ZBTB7C: variants seen among roughly 807,000 people sequenced by gnomAD.
ZBTB7C encodes zinc finger and BTB domain containing 7C.
Under a neutral mutation model 25.7 loss-of-function variants are expected in ZBTB7C, and 8 were observed. The ratio of observed to expected loss-of-function variants is 0.31; its 90% CI spans 0.18 to 0.56. ZBTB7C has a LOEUF of 0.56. Among genes scored for constraint, ZBTB7C ranks in the 20% least tolerant of loss-of-function variants. The pLI, the probability that ZBTB7C is intolerant of heterozygous loss-of-function variation, is 0.91. For missense variants in ZBTB7C, 824 were observed against 855.2 expected (o/e 0.96, Z 0.46); for synonymous variants, 394 against 369.0 (o/e 1.07, Z -0.78).
At chr18:48,031,766 A>G (rs959707737) in intron 4 of ZBTB7C, among the ~76,000 whole-genome samples, 1 of 152,204 alleles carries the variant, frequency 6.6e-6, no homozygotes, top group Non-Finnish European at 1.5e-5. Context: ...CAAAGCCTCC[A>G]CTATGTAGGT....
At chr18:48,202,316 CG>C (rs1001092183) in intron 2 of ZBTB7C, among the ~76,000 whole-genome samples, 1 of 152,018 alleles carries the variant, frequency 6.6e-6, no homozygotes, top group Non-Finnish European at 1.5e-5. Context: ...TGCAGCACAG[CG>C]GGGGCTGCTG....
chr18:48,358,707 AC>A (rs1464004671), intron 1 of ZBTB7C, among the ~76,000 whole-genome samples: 3 of 152,166 alleles, frequency 2.0e-5, no homozygotes, highest in African/African-American at 7.2e-5. Context: ...AGCTGAGAAC[AC>A]TGAGGGTTTA....
At chr18:48,394,336 G>C (rs1402593168) in intron 1 of ZBTB7C, among the ~76,000 whole-genome samples, 1 of 152,144 alleles carries the variant, frequency 6.6e-6, no homozygotes, top group Non-Finnish European at 1.5e-5. Flanking sequence ...GGGTTTTCTA[G>C]TGATACTAGC....
chr18:48,226,672 C>T (rs985207822), intron 2 of ZBTB7C, among the ~76,000 whole-genome samples: 1 of 152,206 alleles, frequency 6.6e-6, no homozygotes, highest in African/African-American at 2.4e-5. Context: ...TCACTGACAG[C>T]ATGACTCTCT....
intron 3 of ZBTB7C, among the ~76,000 whole-genome samples, chr18:48,156,930 A>G (rs1487378886): frequency 6.6e-6 from 1 of 152,110 alleles, no homozygotes; most frequent in Non-Finnish European, 1.5e-5. Flanking sequence ...GCAGTTTGAA[A>G]GGCAGTGCCC....
At chr18:48,365,860 T>C (rs1251382143) in intron 1 of ZBTB7C, among the ~76,000 whole-genome samples, 1 of 151,578 alleles carries the variant, frequency 6.6e-6, no homozygotes, top group Non-Finnish European at 1.5e-5. Context: ...GGGCAGAAAA[T>C]GGTAACAGGG....
intron 2 of ZBTB7C, among the ~76,000 whole-genome samples, chr18:48,247,624 C>T (rs764777488): frequency 1.3e-5 from 2 of 152,174 alleles, no homozygotes; most frequent in African/African-American, 2.4e-5. Flanking sequence ...CATGGCTTTC[C>T]CTGTTTCTCA....
chr18:48,041,648 G>T, intron 3 of ZBTB7C: 1 of 522,946 alleles, frequency 1.9e-6, no homozygotes, highest in Non-Finnish European at 2.5e-6. Flanking sequence ...CCCATTTTCA[G>T]CAAGTAAATG....
At chr18:48,383,818 T>A (rs922280133) in intron 1 of ZBTB7C, among the ~76,000 whole-genome samples, 5 of 149,432 alleles carry the variant, frequency 3.3e-5, no homozygotes, top group African/African-American at 1.2e-4. Flanking sequence ...TGGAGCCTCA[T>A]GACTTCCCTC....
intron 3 of ZBTB7C, among the ~76,000 whole-genome samples, chr18:48,065,556 G>T (rs920078353): frequency 2.6e-5 from 4 of 152,222 alleles, no homozygotes; most frequent in Admixed American, 6.5e-5. Flanking sequence ...AATTTGCAGA[G>T]AAACACTATT....
intron 3 of ZBTB7C, among the ~76,000 whole-genome samples, chr18:48,097,520 C>T (rs1430949908): frequency 6.6e-6 from 1 of 152,112 alleles, no homozygotes; most frequent in Admixed American, 6.5e-5. Flanking sequence ...CTCCAGCCTC[C>T]TGAGTAGCTG....
chr18:48,388,743 C>G (rs2047809162), intron 1 of ZBTB7C, among the ~76,000 whole-genome samples: 2 of 152,156 alleles, frequency 1.3e-5, no homozygotes, highest in South Asian at 4.2e-4. Flanking sequence ...ACCAATGCCC[C>G]TCTTTAGAAA....
intron 1 of ZBTB7C, among the ~76,000 whole-genome samples, chr18:48,371,188 T>C (rs1343019640): frequency 3.3e-5 from 5 of 152,160 alleles, no homozygotes; most frequent in Non-Finnish European, 5.9e-5. Context: ...ACCTACAGTT[T>C]CTGCAGCCCC....
intron 3 of ZBTB7C, among the ~76,000 whole-genome samples, chr18:48,152,875 G>A (rs533225098): frequency 6.6e-6 from 1 of 152,340 alleles, no homozygotes; most frequent in East Asian, 1.9e-4. Context: ...TTCTCATCTG[G>A]TGGTTTGGAC....
At chr18:48,255,940 G>A (rs1015058556) in intron 2 of ZBTB7C, among the ~76,000 whole-genome samples, 1 of 152,112 alleles carries the variant, frequency 6.6e-6, no homozygotes, top group African/African-American at 2.4e-5. Context: ...TAGCAAGAGA[G>A]GTTATCCAAA....
intron 2 of ZBTB7C, among the ~76,000 whole-genome samples, chr18:48,222,813 A>C (rs1331827641): frequency 6.6e-6 from 1 of 152,114 alleles, no homozygotes; most frequent in Admixed American, 6.5e-5. Context: ...TCACTCCACC[A>C]GACCTGCAGC....
intron 2 of ZBTB7C, among the ~76,000 whole-genome samples, chr18:48,223,271 C>A (rs17822218): frequency 6.6e-6 from 1 of 151,954 alleles, no homozygotes; most frequent in Non-Finnish European, 1.5e-5. Flanking sequence ...CCAGTAGAGG[C>A]CCCCAGATAA....
At chr18:48,220,164 C>A (rs1757938314) in intron 2 of ZBTB7C, among the ~76,000 whole-genome samples, 1 of 57,824 alleles carries the variant, frequency 1.7e-5, no homozygotes, top group Admixed American at 1.9e-4. Context: ...AAGGTGCCAG[C>A]CCCAGTTCCC....
intron 1 of ZBTB7C, among the ~76,000 whole-genome samples, chr18:48,341,690 T>C (rs1385786006): frequency 6.6e-6 from 1 of 152,224 alleles, no homozygotes; most frequent in Non-Finnish European, 1.5e-5. Context: ...CTTAGAGGCC[T>C]ACTATTCAAA....
Sources: gnomAD v4.1 joint callset for allele counts (sites outside exome capture counted in the v4.1 genomes callset) on GRCh38, gnomAD v4.1.1 for gene constraint, MANE v1.5 for transcripts, NCBI Gene and HGNC (gene_info 2026-07-23, HGNC 2026-07-21) for gene names.